The following KLF12 variants were observed in gnomAD, a reference collection of about 807,000 sequenced individuals.
The protein encoded by KLF12 is KLF transcription factor 12, also known as Krueppel-like factor 12.
KLF12 carries 9 observed loss-of-function variants against 37.8 expected under a neutral mutation model. The ratio of observed to expected loss-of-function variants is 0.24; its 90% CI spans 0.14 to 0.42. The LOEUF (loss-of-function observed/expected upper bound fraction) is 0.42, where lower values mean the gene tolerates loss of function less well. Ranked by LOEUF, KLF12 falls within the 10% of genes least tolerant of loss-of-function variation. The pLI is 1.00. For missense variants in KLF12, 411 were observed against 516.0 expected (o/e 0.80, Z 1.97); for synonymous variants, 208 against 202.1 (o/e 1.03, Z -0.25).
chr13:74,153,954 G>A, the KLF12 span, among the ~76,000 whole-genome samples: 3 of 152,254 alleles, frequency 2.0e-5, no homozygotes, highest in Middle Eastern at 3.4e-3. Context: ...TCGGACGGGT[G>A]TGGTGGCTTA....
intron 1 of KLF12, among the ~76,000 whole-genome samples, chr13:74,126,037 T>C (rs186975939): frequency 4.5e-4 from 68 of 152,286 alleles, no homozygotes; most frequent in African/African-American, 1.6e-3. Context: ...ATAAAAATCA[T>C]AATACAGTTC....
chr13:73,707,410 TG>T (rs1171052423), intron 7 of KLF12, among the ~76,000 whole-genome samples: 2 of 152,198 alleles, frequency 1.3e-5, no homozygotes, highest in Non-Finnish European at 2.9e-5. Flanking sequence ...ACTTCAAGTT[TG>T]GTGATATTTC....
At chr13:74,138,660 T>C (rs1366330758), upstream of KLF12, among the ~76,000 whole-genome samples, 1 of 152,204 alleles carries the variant, frequency 6.6e-6, no homozygotes, top group Non-Finnish European at 1.5e-5. Context: ...ATGTGTCTTC[T>C]TTTCCACCTT....
chr13:74,192,580 G>T, the KLF12 span, among the ~76,000 whole-genome samples: 1 of 152,168 alleles, frequency 6.6e-6, no homozygotes, highest in East Asian at 1.9e-4. Flanking sequence ...ACGGGTTTTT[G>T]CATGTGGCAT....
intron 1 of KLF12, among the ~76,000 whole-genome samples, chr13:74,113,003 T>C (rs113216999): frequency 0.011 from 1,747 of 152,148 alleles, 33 homozygotes; most frequent in African/African-American, 0.04. Flanking sequence ...AAAATCTGAG[T>C]GGTCTGGATA....
chr13:74,075,150 G>A (rs960191228), intron 1 of KLF12, among the ~76,000 whole-genome samples: 5 of 152,122 alleles, frequency 3.3e-5, no homozygotes, highest in East Asian at 1.9e-4. Flanking sequence ...AGGAAGGAAC[G>A]TCTACAGAGC....
At chr13:74,115,818 T>G (rs1371835793) in intron 1 of KLF12, among the ~76,000 whole-genome samples, 1 of 152,144 alleles carries the variant, frequency 6.6e-6, no homozygotes, top group Non-Finnish European at 1.5e-5. Flanking sequence ...TCTGTATTCT[T>G]ATTGCCTTCT....
At chr13:74,055,361 T>C (rs1340609163) in intron 1 of KLF12, among the ~76,000 whole-genome samples, 1 of 152,232 alleles carries the variant, frequency 6.6e-6, no homozygotes, top group Non-Finnish European at 1.5e-5. Flanking sequence ...TTTGTACTGA[T>C]GGAACACAAC....
intron 1 of KLF12, among the ~76,000 whole-genome samples, chr13:74,127,770 T>A (rs778234020): frequency 4.6e-5 from 7 of 152,230 alleles, no homozygotes; most frequent in Non-Finnish European, 8.8e-5. Flanking sequence ...ATTGTGCATT[T>A]TGTATAATGT....
intron 5 of KLF12, among the ~76,000 whole-genome samples, chr13:73,797,162 A>G (rs548712025): frequency 6.6e-6 from 1 of 152,322 alleles, no homozygotes; most frequent in South Asian, 2.1e-4. Context: ...ACCTCAAAAA[A>G]TAAAAATAAA....
At chr13:73,887,340 G>A (rs1050682084) in intron 3 of KLF12, among the ~76,000 whole-genome samples, 1 of 152,198 alleles carries the variant, frequency 6.6e-6, no homozygotes, top group Admixed American at 6.5e-5. Flanking sequence ...TAGAGCTAGG[G>A]CCTGGTGGGA....
At chr13:74,147,524 T>C in the KLF12 span, among the ~76,000 whole-genome samples, 1 of 152,104 alleles carries the variant, frequency 6.6e-6, no homozygotes, top group African/African-American at 2.4e-5. Context: ...GTCACTGAGT[T>C]TTTTCAAACT....
Position 73,845,944 on chromosome 13 carries a change from G to T in KLF12, c.553C>A (p.Arg185Ser), listed in dbSNP as rs780825753. 1.2e-6 allele frequency: 2 copies of T among 1,614,100 alleles called. No individual in the cohort carries two copies. The highest frequency in any genetic ancestry group is 1.7e-6 in the Non-Finnish European group (2 of 1,179,986). Residue 185 changes from arginine to serine, a missense_variant, in exon 4 of 8, where the codon CGC (arginine) becomes AGC (serine). Around this residue, in one of 2 missense-constraint regions of KLF12, gnomAD observed 351 missense variants for 397.8 expected, o/e 0.88. Transcript: ENST00000377669. ...ACCGACTGTACCACCACGGGGATGC[G>T]GTGAACATGACTCAGTTTGTTAGAC... is the stretch of plus-strand genomic sequence containing the variant.
At chr13:74,238,351 A>G in the KLF12 span, among the ~76,000 whole-genome samples, 3 of 132,482 alleles carry the variant, frequency 2.3e-5, no homozygotes, top group Admixed American at 2.1e-4. Context: ...CCAGTATTTT[A>G]TTGAGGATTT....
At chr13:73,869,973 T>C (rs1470607986) in intron 3 of KLF12, among the ~76,000 whole-genome samples, 10 of 152,204 alleles carry the variant, frequency 6.6e-5, no homozygotes, top group Non-Finnish European at 4.4e-5. Context: ...GTCTAGCTTG[T>C]TTATACGATG....
chr13:74,218,712 A>G, the KLF12 span, among the ~76,000 whole-genome samples: 1 of 152,204 alleles, frequency 6.6e-6, no homozygotes, highest in Admixed American at 6.5e-5. Flanking sequence ...CATTAACACC[A>G]TGGCCTAACC....
At chr13:73,892,284 A>G (rs150361652) in intron 3 of KLF12, among the ~76,000 whole-genome samples, 1 of 152,284 alleles carries the variant, frequency 6.6e-6, no homozygotes, top group East Asian at 1.9e-4. Flanking sequence ...AGTAAAACTA[A>G]TAAGAAATAG....
chr13:74,078,226 A>G (rs1308930512), intron 1 of KLF12, among the ~76,000 whole-genome samples: 2 of 152,198 alleles, frequency 1.3e-5, no homozygotes, highest in African/African-American at 2.4e-5. Flanking sequence ...GAGAAAAGCC[A>G]AAATTCCATG....
intron 2 of KLF12, among the ~76,000 whole-genome samples, chr13:73,947,648 CA>C (rs11378611): frequency 8.1e-5 from 7 of 85,900 alleles, no homozygotes; most frequent in Non-Finnish European, 1.1e-4. Context: ...GAGACGGTCT[CA>C]AAAAAAAAAA....
Sources: gnomAD v4.1 joint callset for allele counts (sites outside exome capture counted in the v4.1 genomes callset) on GRCh38, gnomAD v4.1.1 for gene constraint, gnomAD v4.1.1 regional missense constraint, MANE v1.5 for transcripts, NCBI Gene and HGNC (gene_info 2026-07-23, HGNC 2026-07-21) for gene names.